Variants in CYLC2 observed in about 807,000 individuals in gnomAD.
CYLC2 encodes the protein cylicin-2.
CYLC2 carries 30 observed loss-of-function variants against 26.1 expected under a neutral mutation model. The ratio of observed to expected loss-of-function variants is 1.15; its 90% CI spans 0.86 to 1.56. The LOEUF is 1.56. CYLC2 is among the 40% of genes most tolerant of loss of function. The pLI is 0.00. For missense variants in CYLC2, 498 were observed against 394.4 expected, an observed-to-expected ratio of 1.26 and a Z score of -2.23; for synonymous variants, 158 against 132.8, an observed-to-expected ratio of 1.19 and a Z score of -1.31.
At chr9:103,009,991 A>ATG (rs1829390283) in intron 5 of CYLC2, among the ~76,000 whole-genome samples, 1 of 20,832 alleles carries the variant, frequency 4.8e-5, no homozygotes, top group African/African-American at 1.9e-4. Flanking sequence ...TTTTACATGT[A>ATG]TGTGTATATA....
chr9:103,004,497 T>G (rs1326098073), intron 3 of CYLC2, among the ~76,000 whole-genome samples, 198 bp from the exon 4 acceptor site: 1 of 152,014 alleles, frequency 6.6e-6, no homozygotes, highest in East Asian at 1.9e-4. Flanking sequence ...AAGCTCCAAA[T>G]GAGGCATGAT....
chr9:103,012,824 T>G (rs1202884520), intron 6 of CYLC2, among the ~76,000 whole-genome samples: 1 of 151,576 alleles, frequency 6.6e-6, no homozygotes, highest in Non-Finnish European at 1.5e-5. Flanking sequence ...AGAAAATAGC[T>G]GCCATAGTCA....
chr9:103,014,904 T>TGTATATTATGTAGTATACATAATAC (rs1564101468), intron 6 of CYLC2, among the ~76,000 whole-genome samples: 13 of 138,974 alleles, frequency 9.4e-5, no homozygotes, highest in South Asian at 2.4e-4. Flanking sequence ...ATACATAATA[T>TGTATATTATGTAGTATACATAATAC]ATGTAATATA....
chr9:103,004,886 T>C, intron 4 of CYLC2, 35 bp downstream of exon 4: 2 of 1,585,208 alleles, frequency 1.3e-6, no homozygotes, highest in Non-Finnish European at 1.7e-6. Context: ...AGTATCTCTG[T>C]AATTTTCTGA....
intron 6 of CYLC2, among the ~76,000 whole-genome samples, chr9:103,015,854 A>G (rs902666351): frequency 6.6e-6 from 1 of 150,438 alleles, no homozygotes; most frequent in African/African-American, 2.4e-5. Context: ...ATTCCACTCT[A>G]AATACCTCTG....
At chr9:103,013,831 A>T (rs1829450270) in intron 6 of CYLC2, among the ~76,000 whole-genome samples, 1 of 92,874 alleles carries the variant, frequency 1.1e-5, no homozygotes, top group Non-Finnish European at 2.1e-5. Flanking sequence ...TATGTATATA[A>T]TATATAATAA....
rs144429524 is a variant in CYLC2 at position 103,003,160 on chromosome 9, A to T, written c.77A>T (p.Lys26Ile). 83 of 1,613,730 alleles carry T rather than the reference A, an allele frequency of 5.1e-5. No homozygotes were observed. The African/African-American group carries it at 9.9e-4, about 19-fold the overall frequency. Residue 26 changes from lysine to isoleucine, a missense_variant, in exon 3 of 8, where the codon AAA becomes ATA. By Grantham distance (102) the Lys-to-Ile change is moderately radical. Transcript: ENST00000374798. ...ATTTTAGTCAGTGAATTAAGCAAAA[A>T]ATCATGGAATCAGCAACACTTTGCC... ...NYIPVSELSK[K>I]SWNQQHFALL...
chr9:103,011,398 A>G (rs1158691389), intron 5 of CYLC2, among the ~76,000 whole-genome samples: 3 of 152,130 alleles, frequency 2.0e-5, no homozygotes, highest in Admixed American at 6.5e-5. Context: ...ACATTGTCAC[A>G]TAGCTTTGAT....
intron 5 of CYLC2, among the ~76,000 whole-genome samples, chr9:103,011,248 T>C (rs1829403697): frequency 6.6e-6 from 1 of 152,140 alleles, no homozygotes; most frequent in African/African-American, 2.4e-5. Context: ...TCCATTCTTT[T>C]CTTTTGTGAA....
chr9:103,011,509 T>G (rs1005170174), intron 5 of CYLC2, among the ~76,000 whole-genome samples: 6 of 152,016 alleles, frequency 3.9e-5, no homozygotes, highest in African/African-American at 1.4e-4. Context: ...TGAAACCTGA[T>G]AAAACCACAT....
chr9:102,995,531 A>G (rs2118215348), intron 1 of CYLC2, 134 bp downstream of exon 1: 1 of 660,274 alleles, frequency 1.5e-6, no homozygotes, highest in Middle Eastern at 4.4e-4. Flanking sequence ...TTAAGCAGAC[A>G]AAGATTCTCA....
rs748393005 is a variant in CYLC2 at position 103,005,642 on chromosome 9, G to T, written c.1011G>T (p.Lys337Asn). Residue 337 changes from lysine (K) to asparagine (N), a missense_variant, in exon 5 of 8, where the codon AAG becomes AAT. Lys to Asn is a moderately conservative substitution (Grantham distance 94). Transcript: ENST00000374798. ...AKKDAKKNAK[K>N]DEKKDAKKKG... The stretch of plus-strand genomic sequence containing the variant: ...AGGATGCAAAGAAGAATGCAAAGAA[G>T]GATGAAAAGAAGGATGCAAAGAAGA... The T allele has an allele frequency of 6.2e-7, 1 of 1,611,982 alleles. No homozygotes were observed. Among genetic ancestry groups the T allele is most frequent in the African/African-American group, 1.3e-5 (1 of 74,616 alleles).
At chr9:103,015,547 T>C (rs895370597) in intron 6 of CYLC2, among the ~76,000 whole-genome samples, 3 of 142,506 alleles carry the variant, frequency 2.1e-5, no homozygotes, top group Non-Finnish European at 3.0e-5. Context: ...AAATATTATA[T>C]ATAAAATATA....
At chr9:103,001,405 AT>A (rs1829287666) in intron 1 of CYLC2, among the ~76,000 whole-genome samples, 172 bp from the exon 2 acceptor site, 1 of 151,842 alleles carries the variant, frequency 6.6e-6, no homozygotes, top group Admixed American at 6.6e-5. Flanking sequence ...TTGAAAACAC[AT>A]TTGCTCATCT....
intron 5 of CYLC2, among the ~76,000 whole-genome samples, chr9:103,008,219 T>C (rs149996728): frequency 4.9e-4 from 75 of 152,256 alleles, no homozygotes; most frequent in African/African-American, 1.7e-3. Context: ...GATTGAAATG[T>C]AATGTAAAAT....
intron 6 of CYLC2, among the ~76,000 whole-genome samples, chr9:103,014,391 T>C (rs1424214639): frequency 8.0e-6 from 1 of 125,530 alleles, no homozygotes; most frequent in African/African-American, 2.9e-5. Context: ...TTACGTAATA[T>C]AACATAATGT....
At chr9:103,008,384 A>G (rs533458204) in intron 5 of CYLC2, among the ~76,000 whole-genome samples, 1 of 152,224 alleles carries the variant, frequency 6.6e-6, no homozygotes, top group East Asian at 1.9e-4. Context: ...AAAAATAAAA[A>G]TGAAAAAAAT....
intron 6 of CYLC2, among the ~76,000 whole-genome samples, chr9:103,013,489 T>C (rs1829441611): frequency 9.2e-6 from 1 of 109,006 alleles, no homozygotes; most frequent in South Asian, 2.9e-4. Flanking sequence ...ATATTTAACA[T>C]ATTACATATA....
intron 1 of CYLC2, among the ~76,000 whole-genome samples, chr9:102,996,955 G>T (rs1278367188): frequency 6.6e-6 from 1 of 151,750 alleles, no homozygotes; most frequent in Admixed American, 6.6e-5. Context: ...GGTAGGAGAG[G>T]TTATCACAAA....
Sources: gnomAD v4.1 joint callset for allele counts (sites outside exome capture counted in the v4.1 genomes callset) on GRCh38, gnomAD v4.1.1 for gene constraint, MANE v1.5 for transcripts, NCBI Gene and HGNC (gene_info 2026-07-23, HGNC 2026-07-21) for gene names.